JAZF1: variants seen among roughly 807,000 people sequenced by gnomAD.
JAZF1 encodes the protein juxtaposed with another zinc finger protein 1.
A neutral mutation model predicts 26.4 loss-of-function variants in JAZF1; 8 were observed. The observed-to-expected ratio is 0.30, with a 90% CI of 0.18 to 0.55. The LOEUF (loss-of-function observed/expected upper bound fraction) is 0.55, where lower values mean the gene tolerates loss of function less well. JAZF1 is among the 20% of genes least tolerant of loss of function. The probability of loss-of-function intolerance (pLI) is 0.94; values close to 1 mark genes in which losing one functional copy is unlikely to be tolerated. For synonymous variants in JAZF1, 126 were observed against 122.3 expected, an observed-to-expected ratio of 1.03 and a Z score of -0.20; for missense variants, 199 against 322.0, an observed-to-expected ratio of 0.62 and a Z score of 2.92.
At chr7:28,011,540 T>C (rs1782798718) in intron 1 of JAZF1, among the ~76,000 whole-genome samples, 1 of 152,228 alleles carries the variant, frequency 6.6e-6, no homozygotes, top group African/African-American at 2.4e-5. Flanking sequence ...AGAACACCAT[T>C]GGGCTTGGTA....
intron 1 of JAZF1, among the ~76,000 whole-genome samples, chr7:28,163,319 A>G (rs750815308): frequency 6.6e-6 from 1 of 152,200 alleles, no homozygotes; most frequent in Non-Finnish European, 1.5e-5. Flanking sequence ...ATACAGTGGG[A>G]GAAAGGGAAA....
chr7:28,151,111 AT>A (rs57384411), intron 1 of JAZF1, among the ~76,000 whole-genome samples: 47 of 143,818 alleles, frequency 3.3e-4, no homozygotes, highest in South Asian at 4.5e-4. Context: ...ATATATATAT[AT>A]TTTTTTTTTG....
chr7:28,170,332 TTGATATGTGTGTGTGTGTGTGTGTGTG>T (rs1783435697), intron 1 of JAZF1, among the ~76,000 whole-genome samples: 1 of 143,718 alleles, frequency 7.0e-6, no homozygotes, highest in Non-Finnish European at 1.5e-5. Context: ...AAAAGAGAAG[TTGATATGTGTGTGTGTGTGTGTGTGTG>T]TGTGTGTGTG....
intron 2 of JAZF1, among the ~76,000 whole-genome samples, chr7:27,907,132 G>A (rs1042033638): frequency 5.3e-5 from 8 of 152,214 alleles, no homozygotes; most frequent in East Asian, 1.9e-4. Context: ...TCTAGGTTCT[G>A]AAGGCAAACT....
intron 1 of JAZF1, among the ~76,000 whole-genome samples, chr7:28,062,260 A>AT (rs576086296): frequency 1.3e-3 from 191 of 152,220 alleles, no homozygotes; most frequent in African/African-American, 3.9e-3. Flanking sequence ...AAAGCCTAAG[A>AT]TTGAGTGAGC....
chr7:28,162,408 C>G (rs1274022774), intron 1 of JAZF1, among the ~76,000 whole-genome samples: 9 of 152,240 alleles, frequency 5.9e-5, no homozygotes, highest in Non-Finnish European at 1.2e-4. Flanking sequence ...CCCAGAGAAT[C>G]CAGCTTCTAC....
chr7:28,110,614 GA>G lies in JAZF1; in HGVS notation c.115+69848del, dbSNP rs1215886919. On this transcript the variant is annotated intron_variant, in intron 1 of 4. Transcript: ENST00000283928. ...AGGAAAAGGAAAAGGAAAAGGAAAG[GA>G]AAAGGAAAGGAAAGGAAAGGAAAAG... is the stretch of plus-strand genomic sequence containing the variant. Among the ~76,000 whole-genome samples the G allele has an allele frequency of 7.6e-3, 950 of 125,544 alleles. 25 individuals are homozygous for G. The highest frequency in any genetic ancestry group is 0.026 in the African/African-American group (902 of 34,554). 82.4% of individuals were successfully genotyped at this position (125,544 alleles called of 152,430 possible).
At chr7:28,019,821 A>T (rs1400055094) in intron 1 of JAZF1, among the ~76,000 whole-genome samples, 1 of 152,120 alleles carries the variant, frequency 6.6e-6, no homozygotes, top group Admixed American at 6.5e-5. Context: ...TGGGGGTCAC[A>T]GGCTCTGCGA....
At chr7:27,897,019 C>T (rs1201540252) in intron 2 of JAZF1, among the ~76,000 whole-genome samples, 1 of 152,142 alleles carries the variant, frequency 6.6e-6, no homozygotes, top group African/African-American at 2.4e-5. Flanking sequence ...AAACTTCTTT[C>T]CCTCCGCCTC....
chr7:28,124,257 G>A (rs1234955920), intron 1 of JAZF1, among the ~76,000 whole-genome samples: 2 of 152,130 alleles, frequency 1.3e-5, no homozygotes, highest in South Asian at 2.1e-4. Flanking sequence ...GCGAGGGGGC[G>A]GCCATCTGCA....
chr7:27,928,253 G>C (rs1784630241), intron 2 of JAZF1, among the ~76,000 whole-genome samples: 1 of 152,164 alleles, frequency 6.6e-6, no homozygotes, highest in Non-Finnish European at 1.5e-5. Context: ...ACAATGAAAA[G>C]TAGAAACTTT....
intron 1 of JAZF1, among the ~76,000 whole-genome samples, chr7:28,150,315 G>T (rs1303182590): frequency 6.6e-6 from 1 of 152,136 alleles, no homozygotes; most frequent in Non-Finnish European, 1.5e-5. Flanking sequence ...GGCACAGATG[G>T]CCTGCAAAAG....
intron 1 of JAZF1, among the ~76,000 whole-genome samples, chr7:28,033,607 C>T (rs1783230878): frequency 6.6e-6 from 1 of 152,206 alleles, no homozygotes; most frequent in Non-Finnish European, 1.5e-5. Context: ...CAAGAACTCA[C>T]CAGCTACCTG....
chr7:27,840,573 G>T lies in JAZF1; in HGVS notation c.555+125C>A. 1 of 995,380 alleles carries T rather than the reference G, an allele frequency of 1.0e-6. No individual in the cohort carries two copies. The highest frequency in any genetic ancestry group is 1.5e-6 in the Non-Finnish European group (1 of 656,562). 61.7% of individuals were successfully genotyped at this position (995,380 alleles called of 1,614,324 possible). ...AGGGGTGAGGCCCACGCACTCTAAT[G>T]CAGGAGAGGGGAGTGTCTCCCCCCA... is the stretch of plus-strand genomic sequence containing the variant. On this transcript the variant is annotated intron_variant, in intron 4 of 4. Coordinates refer to ENST00000283928, the MANE Select transcript of JAZF1 (RefSeq NM_175061.4). This position sits in a 1 kb window ranked among gnomAD's most constrained non-coding sequence, Gnocchi z 5.1.
intron 1 of JAZF1, among the ~76,000 whole-genome samples, chr7:28,099,219 G>A (rs1270303697): frequency 2.0e-5 from 3 of 152,172 alleles, no homozygotes; most frequent in African/African-American, 7.2e-5. Context: ...TATGATGACA[G>A]TCGGCCACAT....
At chr7:28,125,585 T>C (rs1329337607) in intron 1 of JAZF1, among the ~76,000 whole-genome samples, 1 of 152,188 alleles carries the variant, frequency 6.6e-6, no homozygotes, top group Admixed American at 6.5e-5. Flanking sequence ...GCAAATCCAA[T>C]GTGTAAAGTG....
At position 28,089,184 on chromosome 7, in the gene JAZF1, C is replaced by T. The variant is rs114511074; in HGVS notation, c.115+91279G>A. The stretch of plus-strand genomic sequence containing the variant: ...TAATCCCCAATGTGATGGTCTGTGG[C>T]GATGAGGCCTTTGGGAGGTAATTAG... On this transcript the variant is annotated intron_variant, in intron 1 of 4. Coordinates refer to ENST00000283928, the MANE Select transcript of JAZF1 (RefSeq NM_175061.4). Among the ~76,000 whole-genome samples the T allele has an allele frequency of 4.6e-3, 707 of 152,232 alleles. 5 individuals are homozygous for T. Among genetic ancestry groups the T allele is most frequent in the African/African-American group, 0.016 (680 of 41,534 alleles).
intron 2 of JAZF1, among the ~76,000 whole-genome samples, chr7:27,905,663 A>T (rs977937666): frequency 1.3e-5 from 2 of 150,662 alleles, no homozygotes; most frequent in Non-Finnish European, 3.0e-5. Flanking sequence ...CTTTTTTAGT[A>T]TTTAAATAAC....
chr7:27,945,245 T>G (rs749048419), intron 2 of JAZF1, among the ~76,000 whole-genome samples: 1 of 151,708 alleles, frequency 6.6e-6, no homozygotes, highest in East Asian at 1.9e-4. Flanking sequence ...CAGAATTGAG[T>G]GTGGGTGTTG....
Sources: gnomAD v4.1 joint callset for allele counts (sites outside exome capture counted in the v4.1 genomes callset) on GRCh38, gnomAD v4.1.1 for gene constraint, Gnocchi (gnomAD v3.1) non-coding constraint, MANE v1.5 for transcripts, NCBI Gene and HGNC (gene_info 2026-07-23, HGNC 2026-07-21) for gene names.